Variants in RYR3 observed in about 807,000 individuals in gnomAD.
RYR3 encodes the protein brain ryanodine receptor-calcium release channel.
In RYR3, 207 loss-of-function variants were observed where a neutral mutation model predicts 584.3. The ratio of observed to expected loss-of-function variants is 0.35; its 90% CI spans 0.32 to 0.40. The LOEUF (loss-of-function observed/expected upper bound fraction) is 0.40. RYR3 is among the 10% of genes least tolerant of loss of function. The pLI, the probability that RYR3 is intolerant of heterozygous loss-of-function variation, is 1.00. For missense variants in RYR3, 5,616 were observed against 6,089.2 expected (o/e 0.92, Z 2.59); for synonymous variants, 2,416 against 2,248.5 (o/e 1.07, Z -2.11).
intron 70 of RYR3, among the ~76,000 whole-genome samples, chr15:33,809,838 ACT>A (rs1008956094): frequency 6.6e-6 from 1 of 150,762 alleles, no homozygotes; most frequent in Non-Finnish European, 1.5e-5. Flanking sequence ...CACTGAGTGA[ACT>A]CTCTCTGAAA....
intron 13 of RYR3, 128 bp downstream of exon 13, chr15:33,580,272 G>T (rs2058523379): frequency 1.3e-6 from 1 of 784,076 alleles, no homozygotes; most frequent in South Asian, 2.2e-5. Context: ...AGAGAGATTT[G>T]GAAGCTGGGA....
intron 1 of RYR3, among the ~76,000 whole-genome samples, chr15:33,451,219 G>A (rs144468682): frequency 3.9e-5 from 6 of 152,284 alleles, no homozygotes; most frequent in Non-Finnish European, 8.8e-5. Flanking sequence ...TCCATAAATG[G>A]TGGCTTCCTT....
At chr15:33,745,761 T>G (rs921265776) in intron 52 of RYR3, among the ~76,000 whole-genome samples, 4 of 152,318 alleles carry the variant, frequency 2.6e-5, no homozygotes, top group African/African-American at 9.6e-5. Flanking sequence ...AGGGGAGTAC[T>G]CTAACCTGAG....
At chr15:33,707,511 A>G (rs2066803116) in intron 43 of RYR3, among the ~76,000 whole-genome samples, 1 of 152,216 alleles carries the variant, frequency 6.6e-6, no homozygotes, top group Non-Finnish European at 1.5e-5. Context: ...AAAAATTGCT[A>G]TAACAACCCT....
intron 1 of RYR3, among the ~76,000 whole-genome samples, chr15:33,372,620 C>T (rs2040424153): frequency 6.6e-6 from 1 of 152,122 alleles, no homozygotes; most frequent in African/African-American, 2.4e-5. Flanking sequence ...CTGCCTCGGC[C>T]TCCCAAAGTG....
At chr15:33,541,179 A>G (rs1333161211) in intron 7 of RYR3, among the ~76,000 whole-genome samples, 1 of 151,978 alleles carries the variant, frequency 6.6e-6, no homozygotes, top group African/African-American at 2.4e-5. Context: ...TCTCTCCCTG[A>G]GTTTCCACAA....
chr15:33,432,540 C>T (rs558814771), intron 1 of RYR3, among the ~76,000 whole-genome samples: 34 of 150,848 alleles, frequency 2.3e-4, no homozygotes, highest in African/African-American at 4.4e-4. Flanking sequence ...CCGTGTTTTC[C>T]GAATTTTTGA....
intron 1 of RYR3, among the ~76,000 whole-genome samples, chr15:33,331,839 G>A (rs1053634460): frequency 9.9e-5 from 15 of 151,888 alleles, no homozygotes; most frequent in African/African-American, 3.6e-4. Flanking sequence ...GTAAGTTGTG[G>A]GGTTAATAAA....
chr15:33,822,324 C>A (rs1432458033), intron 80 of RYR3, among the ~76,000 whole-genome samples: 2 of 152,114 alleles, frequency 1.3e-5, no homozygotes, highest in Non-Finnish European at 2.9e-5. Context: ...TCAAACAGAC[C>A]CTTGGCATTC....
At chr15:33,439,846 C>G (rs1481552080) in intron 1 of RYR3, among the ~76,000 whole-genome samples, 1 of 152,184 alleles carries the variant, frequency 6.6e-6, no homozygotes, top group Non-Finnish European at 1.5e-5. Flanking sequence ...TATTATCTAT[C>G]ATTAGTCCTT....
Position 33,830,960 on chromosome 15 carries a change from T to C in RYR3, c.11335-3T>C. ...ATACTAAGCTCTACTCATTTGTTTT[T>C]AGGAATCAATCAGTGATTTCTACTG... is the stretch of plus-strand genomic sequence containing the variant. On this transcript the variant is annotated splice_region_variant and splice_polypyrimidine_tract_variant and intron_variant, in intron 85 of 103. Coordinates refer to ENST00000634891, the MANE Select transcript of RYR3 (RefSeq NM_001036.6). 3 of 1,612,940 alleles carry C rather than the reference T, an allele frequency of 1.9e-6. No individual in the cohort carries two copies. Among genetic ancestry groups the C allele is most frequent in the Non-Finnish European group, 2.5e-6 (3 of 1,179,518 alleles).
chr15:33,785,681 G>A lies in RYR3; in HGVS notation c.9288G>A (p.Thr3096=), dbSNP rs756969948. The A allele has an allele frequency of 6.9e-6, 11 of 1,603,246 alleles. No individual in the cohort carries two copies. Among genetic ancestry groups the A allele is most frequent in the African/African-American group, 2.7e-5 (2 of 74,782 alleles). Residue 3096 remains threonine, a synonymous_variant, in exon 66 of 104, where the codon ACG becomes ACA. Coordinates refer to ENST00000634891, the MANE Select transcript of RYR3 (RefSeq NM_001036.6). ...AATCAGTTCTGGGGATGCCAGACAC[G>A]GTAGAAGACATGTGTCCTGACATCC... ...RERSILGMPD[T]VEDMCPDIPQ... is the part of the protein sequence containing the mutation.
At chr15:33,443,769 C>T (rs2046408678) in intron 1 of RYR3, among the ~76,000 whole-genome samples, 1 of 152,182 alleles carries the variant, frequency 6.6e-6, no homozygotes, top group Admixed American at 6.5e-5. Flanking sequence ...CTGCCACATG[C>T]CCAGGAAGTG....
chr15:33,863,584 A>AAACTCAAACCT (rs1478979794), intron 102 of RYR3, among the ~76,000 whole-genome samples: 1 of 152,180 alleles, frequency 6.6e-6, no homozygotes, highest in Admixed American at 6.5e-5. Flanking sequence ...TGTCACAGAC[A>AAACTCAAACCT]AACTCAAACC....
intron 69 of RYR3, among the ~76,000 whole-genome samples, chr15:33,805,718 C>G (rs1196005642): frequency 6.6e-6 from 1 of 151,722 alleles, no homozygotes; most frequent in Non-Finnish European, 1.5e-5. Context: ...ACGTCATGAT[C>G]CGCCCGCCTC....
intron 1 of RYR3, among the ~76,000 whole-genome samples, chr15:33,373,214 T>G (rs1027057738): frequency 6.6e-6 from 1 of 152,196 alleles, no homozygotes; most frequent in African/African-American, 2.4e-5. Flanking sequence ...TCCTAATTCA[T>G]CAACTTCTAT....
chr15:33,818,830 A>C, intron 76 of RYR3, 146 bp downstream of exon 76: 1 of 648,234 alleles, frequency 1.5e-6, no homozygotes, highest in Admixed American at 2.8e-5. Context: ...GGCCATCAAG[A>C]TATGTCTAGG....
intron 38 of RYR3, among the ~76,000 whole-genome samples, chr15:33,680,770 T>G (rs1298382519): frequency 2.0e-5 from 3 of 152,178 alleles, no homozygotes; most frequent in South Asian, 4.1e-4. Flanking sequence ...CAGGGTTCTG[T>G]TAAGAAGGAA....
In RYR3 at chr15:33,865,122, T is replaced by C. The variant is rs561907018; in HGVS notation, c.14518-9T>C. The C allele has an allele frequency of 1.9e-6, 3 of 1,606,446 alleles. No homozygotes were observed. Among genetic ancestry groups the C allele is most frequent in the South Asian group, 2.2e-5 (2 of 90,296 alleles). On this transcript the variant is annotated splice_polypyrimidine_tract_variant and intron_variant, in intron 103 of 103. Transcript: ENST00000634891. ...TAAAAATAAGCACCCGTTGTTCATA[T>C]TATTTCAGGAATCTTATGTCTGGAA...
Sources: gnomAD v4.1 joint callset for allele counts (sites outside exome capture counted in the v4.1 genomes callset) on GRCh38, gnomAD v4.1.1 for gene constraint, MANE v1.5 for transcripts, NCBI Gene and HGNC (gene_info 2026-07-23, HGNC 2026-07-21) for gene names.